HACD1: variants seen among roughly 807,000 people sequenced by gnomAD.
HACD1 encodes the protein very-long-chain (3R)-3-hydroxyacyl-CoA dehydratase 1.
A neutral mutation model predicts 32.0 loss-of-function variants in HACD1; 41 were observed. That is an observed-to-expected ratio of 1.28 (90% CI 1.00 to 1.66). The LOEUF (loss-of-function observed/expected upper bound fraction) is 1.66, where lower values mean the gene tolerates loss of function less well. Among genes scored for constraint, HACD1 ranks in the 40% most tolerant of loss-of-function variants. The pLI, the probability that HACD1 is intolerant of heterozygous loss-of-function variation, is 0.00. For synonymous variants in HACD1, 142 were observed against 139.0 expected (o/e 1.02, Z -0.15); for missense variants, 396 against 380.1 (o/e 1.04, Z -0.35).
intron 1 of HACD1, 42 bp downstream of exon 1, chr10:17,617,041 G>C (rs1300802337): frequency 1.5e-6 from 2 of 1,377,616 alleles, no homozygotes; most frequent in East Asian, 6.2e-5. Context: ...TCCGCGGACC[G>C]CGGCGCGGGG....
intron 4 of HACD1, 108 bp downstream of exon 4, chr10:17,603,452 T>G (rs1374011570): frequency 1.9e-6 from 2 of 1,044,540 alleles, no homozygotes; most frequent in African/African-American, 1.6e-5. Context: ...AACTCCTTTT[T>G]GTCCAACACT....
At chr10:17,605,524 C>T (rs754078268) in intron 1 of HACD1, among the ~76,000 whole-genome samples, 4 of 118,004 alleles carry the variant, frequency 3.4e-5, no homozygotes, top group East Asian at 2.1e-4. Context: ...GACTCCATCT[C>T]GGGAAAAAAA....
intron 4 of HACD1, among the ~76,000 whole-genome samples, chr10:17,599,682 T>A (rs1351273222): frequency 6.6e-6 from 1 of 152,032 alleles, no homozygotes; most frequent in East Asian, 1.9e-4. Context: ...CAGAGGACAA[T>A]GTTACCTTGC....
chr10:17,617,068 C>T lies in HACD1; in HGVS notation c.257+15G>A. The T allele has an allele frequency of 6.8e-7, 1 of 1,471,056 alleles. No individual in the cohort carries two copies. Among genetic ancestry groups the T allele is most frequent in the Non-Finnish European group, 9.0e-7 (1 of 1,114,760 alleles). 91.1% of individuals were successfully genotyped at this position (1,471,056 alleles called of 1,614,324 possible). A position where few individuals can be genotyped will look rare whatever the true frequency, so the allele number is the denominator to read the frequency against. ...GGCGCGGGGAGGGCCCGAGGGTGCCCCGCGGCGCGCGTACCCCGCGGTCAT... is the reference window on the plus strand; with the variant it reads ...GGCGCGGGGAGGGCCCGAGGGTGCCTCGCGGCGCGCGTACCCCGCGGTCAT... On this transcript the variant is annotated intron_variant, in intron 1 of 6. Transcript: ENST00000361271.
At chr10:17,593,321 C>CTTG (rs113959752) in intron 6 of HACD1, among the ~76,000 whole-genome samples, 1 of 148,690 alleles carries the variant, frequency 6.7e-6, no homozygotes, top group African/African-American at 2.5e-5. Flanking sequence ...GCCCCCACGC[C>CTTG]TTTTTTTTTT....
chr10:17,608,728 C>G (rs1335741944), intron 1 of HACD1, among the ~76,000 whole-genome samples: 1 of 152,142 alleles, frequency 6.6e-6, no homozygotes, highest in Non-Finnish European at 1.5e-5. Flanking sequence ...CTCAAGCGAT[C>G]TGCCTGCCTC....
intron 4 of HACD1, among the ~76,000 whole-genome samples, chr10:17,600,493 T>G (rs1834054829): frequency 6.6e-6 from 1 of 151,906 alleles, no homozygotes; most frequent in African/African-American, 2.4e-5. Context: ...GCCCTGCTAA[T>G]TTTTGTATTT....
rs146922579 is a variant in HACD1, at chr10:17,599,375, C to T, written c.520G>A (p.Ala174Thr). Residue 174 changes from alanine (A) to threonine (T), a missense_variant, in exon 5 of 7, where the codon GCG becomes ACG. Physicochemically the swap from Ala to Thr is moderately conservative, Grantham distance 58. Transcript: ENST00000361271. ...NEESVVLFLVAWTVTEITRYS... is the reference protein window; with the variant it reads ...NEESVVLFLVTWTVTEITRYS... ...CGAGTGATCTCTGTCACAGTCCACG[C>T]GACCAGAAAAAGCACCACACTCTCT... The T allele has an allele frequency of 5.5e-5, 89 of 1,613,762 alleles. No individual in the cohort carries two copies. Among genetic ancestry groups the T allele is most frequent in the Middle Eastern group, 1.7e-4 (1 of 6,058 alleles).
At position 17,596,484 on chromosome 10, in the gene HACD1, A is replaced by ATT. The variant is rs61351331; in HGVS notation, c.606-2103_606-2102dup. ...TTTTACTTTATGTGGTTTTCAAAAGATTTTTTTTTTTTTTGGCAGGATTGT... is the reference window on the plus strand; with the variant it reads ...TTTTACTTTATGTGGTTTTCAAAAGATTTTTTTTTTTTTTTTGGCAGGATTGT... On this transcript the variant is annotated intron_variant, in intron 5 of 6. Coordinates refer to ENST00000361271, the MANE Select transcript of HACD1 (RefSeq NM_014241.4). Among the ~76,000 whole-genome samples the ATT allele has an allele frequency of 7.0e-4, 101 of 145,226 alleles. 1 individual carries two copies. Among genetic ancestry groups the ATT allele is most frequent in the African/African-American group, 2.4e-3 (97 of 39,762 alleles).
In HACD1 at chr10:17,604,010, T is replaced by C. The variant is rs1834107990; in HGVS notation, c.295A>G (p.Met99Val). 6.3e-7 allele frequency: 1 copy of C among 1,598,958 alleles called. No individual in the cohort carries two copies. The highest frequency in any genetic ancestry group is 8.5e-7 in the Non-Finnish European group (1 of 1,176,126). Residue 99 changes from methionine (M) to valine (V), a missense_variant, in exon 2 of 7, where the codon ATG becomes GTG. Transcript: ENST00000361271. ...VLAIAMVRFYMEKGTHRGLYK... is the reference protein window; with the variant it reads ...VLAIAMVRFYVEKGTHRGLYK... Reference sequence around the variant, plus strand: ...AAACCTCTGTGTGTTCCTTTTTCCATATAAAAACGTACCATGGCAATAGCT... The same window carrying C: ...AAACCTCTGTGTGTTCCTTTTTCCACATAAAAACGTACCATGGCAATAGCT...
rs372142472 is a variant in HACD1, at chr10:17,603,549, G to C, written c.483+11C>G. 6.3e-7 allele frequency: 1 copy of C among 1,586,924 alleles called. No individual in the cohort carries two copies. The highest frequency in any genetic ancestry group is 2.2e-5 in the East Asian group (1 of 44,682). On this transcript the variant is annotated intron_variant, in intron 4 of 6. Transcript: ENST00000361271. ...GCAGGCTCAAGTAGACAACATGTTT[G>C]TGTCACTTACTGGTTTTATACTGTG...
At chr10:17,607,044 A>G (rs1318134143) in intron 1 of HACD1, among the ~76,000 whole-genome samples, 1 of 152,190 alleles carries the variant, frequency 6.6e-6, no homozygotes, top group Non-Finnish European at 1.5e-5. Context: ...CTGAGATACC[A>G]GTTAATGATA....
At chr10:17,592,285 A>G (rs557688323) in intron 6 of HACD1, among the ~76,000 whole-genome samples, 5 of 152,126 alleles carry the variant, frequency 3.3e-5, no homozygotes, top group African/African-American at 1.2e-4. Context: ...CCAGGCCACA[A>G]GCTAGTGATT....
At chr10:17,603,416 A>G in intron 4 of HACD1, 144 bp downstream of exon 4, 1 of 703,390 alleles carries the variant, frequency 1.4e-6, no homozygotes, top group Non-Finnish European at 2.3e-6. Context: ...CACTAAGTCA[A>G]TGCACAACAT....
intron 5 of HACD1, among the ~76,000 whole-genome samples, chr10:17,596,563 A>G (rs377241023): frequency 1.3e-5 from 2 of 151,250 alleles, no homozygotes; most frequent in Admixed American, 6.6e-5. Flanking sequence ...TGAAAGTCTT[A>G]AGGGCAATGA....
At chr10:17,615,029 G>A (rs1416468376) in intron 1 of HACD1, among the ~76,000 whole-genome samples, 1 of 152,244 alleles carries the variant, frequency 6.6e-6, no homozygotes, top group Non-Finnish European at 1.5e-5. Flanking sequence ...TGGGATTACA[G>A]GCGTGAGCCA....
intron 5 of HACD1, among the ~76,000 whole-genome samples, chr10:17,595,507 G>T (rs1421845886): frequency 6.6e-6 from 1 of 152,104 alleles, no homozygotes; most frequent in African/African-American, 2.4e-5. Flanking sequence ...ATTAAAAGAA[G>T]AGTGAGCTTG....
chr10:17,603,703 A>G, intron 3 of HACD1, 23 bp downstream of exon 3: 1 of 1,604,740 alleles, frequency 6.2e-7, no homozygotes, highest in Non-Finnish European at 8.5e-7. Context: ...TAATAAAAGT[A>G]TAAAATTGAA....
chr10:17,602,127 T>C (rs1369302054), intron 4 of HACD1, among the ~76,000 whole-genome samples: 1 of 150,790 alleles, frequency 6.6e-6, no homozygotes, highest in Non-Finnish European at 1.5e-5. Context: ...TGGAGTGCAG[T>C]GGTGCGATCT....
Sources: gnomAD v4.1 joint callset for allele counts (sites outside exome capture counted in the v4.1 genomes callset) on GRCh38, gnomAD v4.1.1 for gene constraint, MANE v1.5 for transcripts, NCBI Gene and HGNC (gene_info 2026-07-23, HGNC 2026-07-21) for gene names.